The following PIK3C2G variants were observed in gnomAD, a reference collection of about 807,000 sequenced individuals.
PIK3C2G encodes phosphatidylinositol 3-kinase C2 domain-containing subunit gamma.
PIK3C2G carries 168 observed loss-of-function variants against 181.1 expected under a neutral mutation model. That is an observed-to-expected ratio of 0.93 (90% CI 0.82 to 1.05). The LOEUF (loss-of-function observed/expected upper bound fraction) is 1.05, where lower values mean the gene tolerates loss of function less well. Ranked by LOEUF, PIK3C2G falls within the 50% of genes least tolerant of loss-of-function variation. PIK3C2G has a pLI of 0.00. For synonymous variants in PIK3C2G, 573 were observed against 592.2 expected (o/e 0.97, Z 0.47); for missense variants, 1,869 against 1,732.8 (o/e 1.08, Z -1.40).
At chr12:18,554,668 G>A (rs1255512253) in intron 26 of PIK3C2G, among the ~76,000 whole-genome samples, 3 of 152,002 alleles carry the variant, frequency 2.0e-5, no homozygotes, top group African/African-American at 4.8e-5. Context: ...ATATGTGTTT[G>A]AATACTTAGT....
chr12:18,684,873 G>A, the PIK3C2G span, among the ~76,000 whole-genome samples: 1 of 152,052 alleles, frequency 6.6e-6, no homozygotes, highest in Middle Eastern at 3.4e-3. Context: ...GATAGTGAGT[G>A]AGTACTCATG....
At chr12:18,279,843 T>TG (rs1189776720) in intron 1 of PIK3C2G, among the ~76,000 whole-genome samples, 2 of 152,050 alleles carry the variant, frequency 1.3e-5, no homozygotes, top group Non-Finnish European at 2.9e-5. Context: ...TATACACCAT[T>TG]TACATACATC....
intron 29 of PIK3C2G, among the ~76,000 whole-genome samples, chr12:18,588,021 C>A (rs760632381): frequency 6.6e-6 from 1 of 151,904 alleles, no homozygotes; most frequent in Non-Finnish European, 1.5e-5. Context: ...CTATTCAATA[C>A]ATGCTGCTGA....
the PIK3C2G span, among the ~76,000 whole-genome samples, chr12:18,722,241 A>G: frequency 6.6e-6 from 1 of 151,948 alleles, no homozygotes; most frequent in Non-Finnish European, 1.5e-5. Context: ...TCCGTATCAC[A>G]TAGCACTCTC....
chr12:18,303,100 CTCTT>C (rs780096256), intron 5 of PIK3C2G, among the ~76,000 whole-genome samples: 1 of 75,068 alleles, frequency 1.3e-5, no homozygotes, highest in Non-Finnish European at 2.5e-5. Context: ...TCTTTTCTTT[CTCTT>C]TCTTTCTTTC....
At chr12:18,407,276 G>T (rs57123357) in intron 16 of PIK3C2G, among the ~76,000 whole-genome samples, 15,415 of 151,866 alleles carry the variant, frequency 0.1, 1,102 homozygotes, top group Admixed American at 0.26. Context: ...AAACACACTT[G>T]TTAAAACTTA....
intron 8 of PIK3C2G, among the ~76,000 whole-genome samples, chr12:18,329,234 A>C (rs532097601): frequency 6.6e-6 from 1 of 152,108 alleles, no homozygotes; most frequent in East Asian, 1.9e-4. Flanking sequence ...AAGGAATAAC[A>C]TGATCTGACA....
At chr12:18,406,105 C>G (rs944063232) in intron 16 of PIK3C2G, among the ~76,000 whole-genome samples, 1 of 152,096 alleles carries the variant, frequency 6.6e-6, no homozygotes, top group Non-Finnish European at 1.5e-5. Context: ...TTTTCAGATT[C>G]CACATTTAAG....
At chr12:18,510,116 T>C (rs1008194249) in intron 24 of PIK3C2G, among the ~76,000 whole-genome samples, 2 of 152,096 alleles carry the variant, frequency 1.3e-5, no homozygotes, top group Admixed American at 6.6e-5. Flanking sequence ...ACCAGAGGCA[T>C]GCACCACCAA....
chr12:18,635,303 G>A (rs1278519921), intron 31 of PIK3C2G, among the ~76,000 whole-genome samples: 1 of 152,214 alleles, frequency 6.6e-6, no homozygotes, highest in Non-Finnish European at 1.5e-5. Context: ...TGGAAACCAT[G>A]GGAACTTGGG....
chr12:18,388,110 G>A (rs1057106790), intron 14 of PIK3C2G, among the ~76,000 whole-genome samples: 14 of 151,870 alleles, frequency 9.2e-5, no homozygotes, highest in East Asian at 1.9e-4. Flanking sequence ...CTAATGTAAC[G>A]GAGATCCTTT....
At chr12:18,685,490 A>G in the PIK3C2G span, 1 of 218,188 alleles carries the variant, frequency 4.6e-6, no homozygotes, top group Non-Finnish European at 1.0e-5. Flanking sequence ...TTTGACTTAC[A>G]TTTCCAGAAG....
At chr12:18,664,542 T>C in the PIK3C2G span, among the ~76,000 whole-genome samples, 3 of 152,144 alleles carry the variant, frequency 2.0e-5, no homozygotes, top group Admixed American at 2.0e-4. Flanking sequence ...TATGATTCTA[T>C]TTATATGAGA....
chr12:18,558,182 G>A (rs1369566304), intron 26 of PIK3C2G, among the ~76,000 whole-genome samples: 4 of 152,086 alleles, frequency 2.6e-5, no homozygotes, highest in African/African-American at 9.7e-5. Flanking sequence ...AACAAAACGA[G>A]GAGGCCAGAA....
chr12:18,535,754 T>C (rs1943818189), intron 24 of PIK3C2G, among the ~76,000 whole-genome samples: 1 of 152,144 alleles, frequency 6.6e-6, no homozygotes, highest in Non-Finnish European at 1.5e-5. Context: ...AAGATATTTT[T>C]CTGATTATGA....
chr12:18,274,502 A>G, intron 1 of PIK3C2G, among the ~76,000 whole-genome samples: 1 of 152,212 alleles, frequency 6.6e-6, no homozygotes, highest in East Asian at 1.9e-4. Context: ...GATCCTTTGT[A>G]GGGACATGGA....
upstream of PIK3C2G, among the ~76,000 whole-genome samples, chr12:18,245,591 T>C (rs1948031519): frequency 6.6e-6 from 1 of 152,128 alleles, no homozygotes; most frequent in African/African-American, 2.4e-5. Context: ...TTTTATTAAT[T>C]ATCATTATAA....
intron 8 of PIK3C2G, among the ~76,000 whole-genome samples, chr12:18,327,570 G>T (rs984214910): frequency 9.9e-5 from 15 of 151,846 alleles, no homozygotes; most frequent in Admixed American, 9.8e-4. Context: ...TATGTCAAAT[G>T]GCTAGTTTTG....
At chr12:18,549,562 C>G (rs1215008635) in intron 26 of PIK3C2G, among the ~76,000 whole-genome samples, 1 of 152,008 alleles carries the variant, frequency 6.6e-6, no homozygotes, top group Admixed American at 6.6e-5. Flanking sequence ...AGAACGTTCT[C>G]TATGCTCAAA....
Sources: allele counts gnomAD v4.1 joint callset (sites outside exome capture counted in the v4.1 genomes callset), GRCh38; gene constraint gnomAD v4.1.1; transcripts MANE v1.5; gene names NCBI Gene and HGNC (gene_info 2026-07-23, HGNC 2026-07-21).